STAG1: variants seen among roughly 807,000 people sequenced by gnomAD.
STAG1 encodes the protein cohesin subunit SA-1.
In STAG1, 26 loss-of-function variants were observed where a neutral mutation model predicts 170.9. That is an observed-to-expected ratio of 0.15 (90% CI 0.11 to 0.21). The LOEUF is 0.21. Among genes scored for constraint, STAG1 ranks in the 10% least tolerant of loss-of-function variants. The pLI is 1.00. For synonymous variants in STAG1, 514 were observed against 497.7 expected, an observed-to-expected ratio of 1.03 and a Z score of -0.44; for missense variants, 964 against 1,509.5, an observed-to-expected ratio of 0.64 and a Z score of 5.99.
intron 13 of STAG1, among the ~76,000 whole-genome samples, chr3:136,457,355 A>G (rs1242118828): frequency 6.6e-6 from 1 of 152,166 alleles, no homozygotes; most frequent in Non-Finnish European, 1.5e-5. Context: ...CATATTTTAT[A>G]TGCATCAAAG....
chr3:136,581,874 C>G (rs974262513), intron 4 of STAG1, among the ~76,000 whole-genome samples: 1 of 152,054 alleles, frequency 6.6e-6, no homozygotes, highest in South Asian at 2.1e-4. Flanking sequence ...ACAAATATAA[C>G]TTTAACATAA....
chr3:136,438,413 C>T lies in STAG1; in HGVS notation c.1547-4754G>A, dbSNP rs769946058. 6.1e-4 allele frequency among the ~76,000 whole-genome samples: 93 copies of T among 151,958 alleles called. 1 individual carries two copies. Among genetic ancestry groups the T allele is most frequent in the Middle Eastern group, 3.4e-3 (1 of 294 alleles). ...TAACATTTTGGATTTTTAGTAGAAA[C>T]GGGGTTTCACCATGCTGGCCAGGCT... On this transcript the variant is annotated intron_variant, in intron 15 of 33. Coordinates refer to ENST00000383202, the MANE Select transcript of STAG1 (RefSeq NM_005862.3).
chr3:136,604,287 G>A (rs1341603645), intron 4 of STAG1, 22 bp downstream of exon 4: 3 of 1,599,700 alleles, frequency 1.9e-6, no homozygotes, highest in East Asian at 2.2e-5. Context: ...CTTTATACGT[G>A]AAATAAAAAC....
chr3:136,680,488 G>A (rs1217566119), intron 1 of STAG1, among the ~76,000 whole-genome samples: 2 of 151,954 alleles, frequency 1.3e-5, no homozygotes, highest in African/African-American at 2.4e-5. Flanking sequence ...GGAGTAATAC[G>A]TAATACTATT....
intron 22 of STAG1, among the ~76,000 whole-genome samples, chr3:136,394,628 G>T (rs955119943): frequency 6.6e-6 from 1 of 151,462 alleles, no homozygotes; most frequent in East Asian, 1.9e-4. Context: ...ATATAAAAAA[G>T]TAGCCAGGCG....
At chr3:136,350,844 G>A (rs1196766521) in intron 28 of STAG1, among the ~76,000 whole-genome samples, 11 of 152,126 alleles carry the variant, frequency 7.2e-5, no homozygotes, top group Admixed American at 6.6e-5. Flanking sequence ...GAGTGAAAAT[G>A]AGAGGGTGCT....
At chr3:136,455,636 C>T (rs551061734) in intron 13 of STAG1, among the ~76,000 whole-genome samples, 3 of 152,306 alleles carry the variant, frequency 2.0e-5, no homozygotes, top group African/African-American at 4.8e-5. Context: ...GGCAGCCACT[C>T]GGCACATTGG....
At chr3:136,441,914 T>G (rs1404754120) in intron 15 of STAG1, among the ~76,000 whole-genome samples, 1 of 152,136 alleles carries the variant, frequency 6.6e-6, no homozygotes, top group African/African-American at 2.4e-5. Context: ...ACTTTAGATT[T>G]TGGCCAGATG....
At chr3:136,690,251 T>C (rs1377928050) in intron 1 of STAG1, among the ~76,000 whole-genome samples, 1 of 152,116 alleles carries the variant, frequency 6.6e-6, no homozygotes, top group African/African-American at 2.4e-5. Context: ...TTTTTGTTTG[T>C]TTTGAGAGAG....
chr3:136,556,660 G>A (rs1390447639), intron 5 of STAG1, among the ~76,000 whole-genome samples: 1 of 151,676 alleles, frequency 6.6e-6, no homozygotes, highest in Admixed American at 6.6e-5. Context: ...ACAGTTCACT[G>A]CAATCTTCAC....
intron 13 of STAG1, among the ~76,000 whole-genome samples, chr3:136,462,537 T>C (rs560840480): frequency 6.6e-6 from 1 of 152,094 alleles, no homozygotes; most frequent in Non-Finnish European, 1.5e-5. Context: ...GAGGGTGGAA[T>C]AAAGAGAGGT....
chr3:136,339,167 C>CATCT (rs1420393825), intron 32 of STAG1, among the ~76,000 whole-genome samples: 1 of 152,072 alleles, frequency 6.6e-6, no homozygotes, highest in African/African-American at 2.4e-5. Context: ...AGAAGGCAGC[C>CATCT]ATCTACAAGC....
At chr3:136,653,041 G>A (rs369254336) in intron 1 of STAG1, among the ~76,000 whole-genome samples, 16 of 152,262 alleles carry the variant, frequency 1.1e-4, no homozygotes, top group East Asian at 9.7e-4. Context: ...TTGGGAGGCC[G>A]AGGCAGGCAA....
intron 20 of STAG1, among the ~76,000 whole-genome samples, chr3:136,420,398 T>C (rs1235665586): frequency 6.6e-6 from 1 of 152,202 alleles, no homozygotes. Flanking sequence ...AGGGTCTGCC[T>C]ATTGCCCAGG....
At chr3:136,433,032 A>G (rs1176504683) in intron 16 of STAG1, among the ~76,000 whole-genome samples, 1 of 152,066 alleles carries the variant, frequency 6.6e-6, no homozygotes, top group East Asian at 1.9e-4. Flanking sequence ...GTTTTTGACA[A>G]TACATTCCAG....
intron 9 of STAG1, among the ~76,000 whole-genome samples, chr3:136,495,150 T>C (rs1055346864): frequency 2.6e-5 from 4 of 152,190 alleles, no homozygotes; most frequent in African/African-American, 9.7e-5. Context: ...GTGTTTATGG[T>C]CAATTCATCT....
At position 136,378,386 on chromosome 3, in the gene STAG1, T is replaced by C. The variant is rs77385805; in HGVS notation, c.2278-634A>G. Reference sequence around the variant, plus strand: ...CCAGATAAGATTCCATAAGGAACATTTGAAAAGTCCAAAAGGAAATTTCAA... The same window carrying C: ...CCAGATAAGATTCCATAAGGAACATCTGAAAAGTCCAAAAGGAAATTTCAA... On this transcript the variant is annotated intron_variant, in intron 22 of 33. Transcript: ENST00000383202. Among the ~76,000 whole-genome samples, 660 of 152,322 alleles carry C rather than the reference T, an allele frequency of 4.3e-3. 3 individuals carry two copies. Among genetic ancestry groups the C allele is most frequent in the Admixed American group, 8.0e-3 (122 of 15,296 alleles).
chr3:136,407,245 C>T (rs2087510331), intron 21 of STAG1, among the ~76,000 whole-genome samples: 1 of 152,114 alleles, frequency 6.6e-6, no homozygotes, highest in African/African-American at 2.4e-5. Context: ...AGGCTGGTCT[C>T]GAACTCTTGA....
intron 4 of STAG1, among the ~76,000 whole-genome samples, chr3:136,571,056 C>T (rs1441429749): frequency 1.3e-5 from 2 of 152,174 alleles, no homozygotes; most frequent in Non-Finnish European, 2.9e-5. Flanking sequence ...AACTTTTAGA[C>T]TCAGGACTGA....
Sources: allele counts gnomAD v4.1 joint callset (sites outside exome capture counted in the v4.1 genomes callset), GRCh38; gene constraint gnomAD v4.1.1; transcripts MANE v1.5; gene names NCBI Gene and HGNC (gene_info 2026-07-23, HGNC 2026-07-21).